The following CDK7 variants were observed in gnomAD, a reference collection of about 807,000 sequenced individuals.
CDK7 encodes cyclin-dependent kinase 7.
In CDK7, 25 loss-of-function variants were observed where a neutral mutation model predicts 49.1. That is an observed-to-expected ratio of 0.51 (90% CI 0.37 to 0.71). CDK7 has a LOEUF of 0.71. Ranked by LOEUF, CDK7 falls within the 30% of genes least tolerant of loss-of-function variation. The pLI is 0.00. For synonymous variants in CDK7, 107 were observed against 140.0 expected, an observed-to-expected ratio of 0.76 and a Z score of 1.67; for missense variants, 316 against 411.7, an observed-to-expected ratio of 0.77 and a Z score of 2.01.
intron 2 of CDK7, among the ~76,000 whole-genome samples, chr5:69,242,378 T>C (rs1028047834): frequency 6.6e-6 from 1 of 152,162 alleles, no homozygotes; most frequent in African/African-American, 2.4e-5. Context: ...AGTTCCTAAG[T>C]AGTGGTCACA....
At chr5:69,238,772 C>T (rs1245143244) in intron 2 of CDK7, among the ~76,000 whole-genome samples, 6 of 151,220 alleles carry the variant, frequency 4.0e-5, no homozygotes, top group African/African-American at 9.7e-5. Flanking sequence ...GTTCTCCTGC[C>T]GCAGCCTCTC....
At chr5:69,260,957 A>G (rs1750774088) in intron 7 of CDK7, among the ~76,000 whole-genome samples, 2 of 152,134 alleles carry the variant, frequency 1.3e-5, no homozygotes, top group Admixed American at 1.3e-4. Context: ...ATCTGGGGCC[A>G]CAGGCACGCC....
At chr5:69,243,790 G>A (rs534662397) in intron 2 of CDK7, among the ~76,000 whole-genome samples, 1,528 of 141,386 alleles carry the variant, frequency 0.011, 16 homozygotes, top group Non-Finnish European at 0.015. Flanking sequence ...CATTTTTTTG[G>A]TGTGTTGTCT....
intron 2 of CDK7, among the ~76,000 whole-genome samples, chr5:69,242,298 T>C (rs4443380): frequency 0.17 from 25,874 of 151,990 alleles, 3,542 homozygotes; most frequent in African/African-American, 0.37. Flanking sequence ...GGCTAAGGAA[T>C]GGGGAATGCT....
intron 9 of CDK7, among the ~76,000 whole-genome samples, chr5:69,271,525 T>C (rs1751542417): frequency 6.6e-6 from 1 of 151,614 alleles, no homozygotes; most frequent in Non-Finnish European, 1.5e-5. Flanking sequence ...TTTTTTTTTT[T>C]TTTTCAAGAC....
chr5:69,234,875 C>A (rs1434005793), upstream of CDK7: 1 of 1,178,282 alleles, frequency 8.5e-7, no homozygotes, highest in Non-Finnish European at 1.2e-6. Context: ...CGACGGAGCC[C>A]GGTGGACGGA....
At chr5:69,248,422 C>G (rs1749896484) in intron 2 of CDK7, among the ~76,000 whole-genome samples, 1 of 151,392 alleles carries the variant, frequency 6.6e-6, no homozygotes, top group African/African-American at 2.4e-5. Flanking sequence ...TTCTTGTTTC[C>G]CAGGCTGGAG....
intron 9 of CDK7, 115 bp downstream of exon 9, chr5:69,269,408 G>A (rs1355497336): frequency 3.0e-6 from 2 of 656,458 alleles, no homozygotes; most frequent in African/African-American, 3.8e-5. Flanking sequence ...ATTATAATAT[G>A]TACTCAGAAC....
chr5:69,272,818 T>G, intron 9 of CDK7, 74 bp from the exon 10 acceptor site: 2 of 942,594 alleles, frequency 2.1e-6, no homozygotes, highest in Non-Finnish European at 3.0e-6. Flanking sequence ...TCATATCACC[T>G]GAAAATGATT....
chr5:69,266,228 A>G (rs1751150733), intron 8 of CDK7, among the ~76,000 whole-genome samples: 1 of 152,206 alleles, frequency 6.6e-6, no homozygotes, highest in Admixed American at 6.5e-5. Flanking sequence ...TGGTGCAGAG[A>G]CAGCACAGGA....
intron 2 of CDK7, among the ~76,000 whole-genome samples, chr5:69,240,866 A>G (rs1749321538): frequency 6.6e-6 from 1 of 152,108 alleles, no homozygotes; most frequent in South Asian, 2.1e-4. Context: ...ACCTCAAGTG[A>G]TCTGCCTGCC....
chr5:69,253,128 T>C (rs1750256811), intron 3 of CDK7, among the ~76,000 whole-genome samples: 1 of 152,212 alleles, frequency 6.6e-6, no homozygotes, highest in African/African-American at 2.4e-5. Context: ...ACATAAAGCT[T>C]ACTATGGAAT....
At chr5:69,238,016 A>C (rs1749118871) in intron 2 of CDK7, among the ~76,000 whole-genome samples, 2 of 152,002 alleles carry the variant, frequency 1.3e-5, no homozygotes, top group African/African-American at 2.4e-5. Context: ...CATAATTTCT[A>C]CTCCCGTTCA....
intron 3 of CDK7, among the ~76,000 whole-genome samples, chr5:69,253,147 G>A (rs1034416010): frequency 6.6e-6 from 1 of 152,132 alleles, no homozygotes; most frequent in African/African-American, 2.4e-5. Context: ...ATAGATACAT[G>A]AGGAAATTAT....
chr5:69,247,766 G>A (rs941764470), intron 2 of CDK7, among the ~76,000 whole-genome samples: 6 of 151,514 alleles, frequency 4.0e-5, no homozygotes, highest in Non-Finnish European at 7.4e-5. Context: ...TTTTAGATTT[G>A]AGGTTACATG....
At chr5:69,254,065 A>AGGGTGAAAC in intron 3 of CDK7, among the ~76,000 whole-genome samples, 1 of 152,196 alleles carries the variant, frequency 6.6e-6, no homozygotes, top group Non-Finnish European at 1.5e-5. Context: ...ATGCCACTGC[A>AGGGTGAAAC]CTCCAACCTG....
intron 6 of CDK7, 72 bp downstream of exon 6, chr5:69,258,225 A>AT: frequency 3.1e-6 from 2 of 639,294 alleles, no homozygotes; most frequent in Non-Finnish European, 5.5e-6. Context: ...AGTGGTCTGA[A>AT]TATGTAAATT....
intron 2 of CDK7, among the ~76,000 whole-genome samples, chr5:69,239,470 TTTG>T (rs1443977778): frequency 6.6e-6 from 1 of 152,168 alleles, no homozygotes; most frequent in East Asian, 1.9e-4. Flanking sequence ...AAGGTTTCAC[TTTG>T]TTGTCCAGTC....
chr5:69,277,075 CTTTT>C, intron 11 of CDK7, 28 bp from the exon 12 acceptor site: 1 of 1,437,800 alleles, frequency 7.0e-7, no homozygotes, highest in Non-Finnish European at 9.4e-7. Context: ...ATGTGAACAA[CTTTT>C]TTTTTTCTTG....
Sources: allele counts gnomAD v4.1 joint callset (sites outside exome capture counted in the v4.1 genomes callset), GRCh38; gene constraint gnomAD v4.1.1; transcripts MANE v1.5; gene names NCBI Gene and HGNC (gene_info 2026-07-23, HGNC 2026-07-21).